Variants in DNER observed in about 807,000 individuals in gnomAD.
DNER encodes delta and Notch-like epidermal growth factor-related receptor.
In DNER, 33 loss-of-function variants were observed where a neutral mutation model predicts 78.2. That is an observed-to-expected ratio of 0.42 (90% CI 0.32 to 0.56). The LOEUF (loss-of-function observed/expected upper bound fraction) is 0.56. DNER is among the 20% of genes least tolerant of loss of function. DNER has a pLI of 0.11. For missense variants in DNER, 918 were observed against 975.3 expected (o/e 0.94, Z 0.78); for synonymous variants, 417 against 384.8 (o/e 1.08, Z -0.98).
chr2:229,607,080 G>A (rs1378669102), intron 1 of DNER, among the ~76,000 whole-genome samples: 1 of 152,172 alleles, frequency 6.6e-6, no homozygotes, highest in African/African-American at 2.4e-5. Flanking sequence ...GCCACCATCA[G>A]CACTTGGAAC....
chr2:229,449,535 T>C (rs1194578563), intron 7 of DNER, among the ~76,000 whole-genome samples: 3 of 151,642 alleles, frequency 2.0e-5, no homozygotes, highest in African/African-American at 7.3e-5. Flanking sequence ...TTTAGTTAGA[T>C]AGTGACCCAA....
At chr2:229,596,109 T>C (rs1697709648) in intron 1 of DNER, among the ~76,000 whole-genome samples, 1 of 152,234 alleles carries the variant, frequency 6.6e-6, no homozygotes, top group African/African-American at 2.4e-5. Flanking sequence ...TTCCGTTTAA[T>C]TTACTTGTGT....
At position 229,402,259 on chromosome 2, in the gene DNER, C is replaced by A. The variant is rs192256498; in HGVS notation, c.1723+4973G>T. On this transcript the variant is annotated intron_variant, in intron 10 of 12. Transcript: ENST00000341772. ...TGTATACCTGACAAAGAACTTGTAT[C>A]CAGAATATGTAAAGAATTCTTTGAA... Among the ~76,000 whole-genome samples, 525 of 152,116 alleles carry A rather than the reference C, an allele frequency of 3.5e-3. 2 individuals carry two copies. Among genetic ancestry groups the A allele is most frequent in the South Asian group, 0.011 (55 of 4,822 alleles).
intron 10 of DNER, among the ~76,000 whole-genome samples, chr2:229,392,564 G>A (rs1231731226): frequency 2.0e-5 from 3 of 152,158 alleles, no homozygotes; most frequent in Admixed American, 6.5e-5. Context: ...GTGTGTGTGT[G>A]TAACTTGAAG....
At chr2:229,429,734 G>C (rs565670743) in intron 8 of DNER, among the ~76,000 whole-genome samples, 3 of 152,140 alleles carry the variant, frequency 2.0e-5, no homozygotes, top group Non-Finnish European at 4.4e-5. Flanking sequence ...CATGGTGCCT[G>C]GCTGATTAGC....
At chr2:229,694,715 T>A (rs572804350) in intron 1 of DNER, among the ~76,000 whole-genome samples, 25 of 152,228 alleles carry the variant, frequency 1.6e-4, no homozygotes, top group Non-Finnish European at 2.9e-4. Context: ...CCAATGCCTG[T>A]ACCCCCATTG....
chr2:229,426,783 G>A (rs984363767), intron 8 of DNER, among the ~76,000 whole-genome samples: 4 of 152,164 alleles, frequency 2.6e-5, no homozygotes, highest in Non-Finnish European at 4.4e-5. Context: ...AGATGCTCTC[G>A]TTTAAACGAA....
intron 6 of DNER, among the ~76,000 whole-genome samples, chr2:229,479,424 A>G (rs1174749319): frequency 6.6e-6 from 1 of 152,112 alleles, no homozygotes; most frequent in East Asian, 1.9e-4. Context: ...AAAAACCATC[A>G]ATATTCAGCT....
At chr2:229,609,848 A>G (rs1020355669) in intron 1 of DNER, among the ~76,000 whole-genome samples, 9 of 152,172 alleles carry the variant, frequency 5.9e-5, no homozygotes, top group African/African-American at 1.9e-4. Flanking sequence ...AGCTCTCCCA[A>G]TGAGGCAGGA....
At chr2:229,585,086 T>C (rs779431854) in intron 4 of DNER, among the ~76,000 whole-genome samples, 2 of 152,134 alleles carry the variant, frequency 1.3e-5, no homozygotes, top group Non-Finnish European at 2.9e-5. Flanking sequence ...ACTTCTGAGT[T>C]GGGGACCCTG....
intron 1 of DNER, among the ~76,000 whole-genome samples, chr2:229,614,505 C>T (rs1391038684): frequency 6.6e-6 from 1 of 152,206 alleles, no homozygotes; most frequent in African/African-American, 2.4e-5. Flanking sequence ...TAACTCCATC[C>T]TCCTTCCCAC....
chr2:229,513,826 G>A (rs1044844249), intron 5 of DNER, among the ~76,000 whole-genome samples: 5 of 152,034 alleles, frequency 3.3e-5, no homozygotes, highest in Admixed American at 2.6e-4. Flanking sequence ...TCATCTCCAA[G>A]CCTGGCACAT....
At chr2:229,695,745 G>T (rs750427956) in intron 1 of DNER, among the ~76,000 whole-genome samples, 1 of 152,102 alleles carries the variant, frequency 6.6e-6, no homozygotes, top group African/African-American at 2.4e-5. Context: ...CCATAAAGCC[G>T]AACTCGTTAG....
chr2:229,612,703 G>A (rs1489870256), intron 1 of DNER, among the ~76,000 whole-genome samples: 2 of 152,224 alleles, frequency 1.3e-5, no homozygotes, highest in Non-Finnish European at 2.9e-5. Flanking sequence ...GTTTCGCTTT[G>A]ACCAATAGTA....
intron 1 of DNER, among the ~76,000 whole-genome samples, chr2:229,690,613 CA>C (rs1471965556): frequency 2.0e-5 from 3 of 152,150 alleles, no homozygotes; most frequent in African/African-American, 7.2e-5. Context: ...ATTCACTCAA[CA>C]AACACTAATA....
At chr2:229,702,646 G>A (rs891255123) in intron 1 of DNER, among the ~76,000 whole-genome samples, 8 of 149,762 alleles carry the variant, frequency 5.3e-5, no homozygotes, top group South Asian at 4.3e-4. Flanking sequence ...GGCCGGGCAC[G>A]GTGGCTCACG....
intron 10 of DNER, among the ~76,000 whole-genome samples, chr2:229,393,962 G>A (rs1693075215): frequency 6.6e-6 from 1 of 152,188 alleles, no homozygotes; most frequent in Admixed American, 6.5e-5. Flanking sequence ...AGGATATGAG[G>A]CCAAAAATAA....
At chr2:229,362,978 GA>G (rs1384214057) in intron 12 of DNER, among the ~76,000 whole-genome samples, 1 of 152,140 alleles carries the variant, frequency 6.6e-6, no homozygotes, top group South Asian at 2.1e-4. Flanking sequence ...AGCTATTGGG[GA>G]AAAAAACTGA....
intron 1 of DNER, among the ~76,000 whole-genome samples, chr2:229,686,974 C>T (rs1699493718): frequency 6.6e-6 from 1 of 152,168 alleles, no homozygotes; most frequent in African/African-American, 2.4e-5. Context: ...TTCAATGTCA[C>T]TCTGTCAAAG....
Sources: gnomAD v4.1 joint callset for allele counts (sites outside exome capture counted in the v4.1 genomes callset) on GRCh38, gnomAD v4.1.1 for gene constraint, MANE v1.5 for transcripts, NCBI Gene and HGNC (gene_info 2026-07-23, HGNC 2026-07-21) for gene names.